Variants in ADARB1 observed in about 807,000 individuals in gnomAD.
ADARB1 encodes the protein adenosine deaminase RNA specific B1, also known as double-stranded RNA-specific editase 1.
In ADARB1, 10 loss-of-function variants were observed where a neutral mutation model predicts 52.4. The observed-to-expected ratio is 0.19, with a 90% CI of 0.12 to 0.32. ADARB1 has a LOEUF of 0.32. Among genes scored for constraint, ADARB1 ranks in the 10% least tolerant of loss-of-function variants. The pLI, the probability that ADARB1 is intolerant of heterozygous loss-of-function variation, is 1.00. For synonymous variants in ADARB1, 349 were observed against 371.1 expected, an observed-to-expected ratio of 0.94 and a Z score of 0.68; for missense variants, 643 against 922.3, an observed-to-expected ratio of 0.70 and a Z score of 3.92.
chr21:45,115,190 G>A (rs1210410693), intron 1 of ADARB1, among the ~76,000 whole-genome samples: 1 of 152,168 alleles, frequency 6.6e-6, no homozygotes, highest in Non-Finnish European at 1.5e-5. Context: ...ACATGGTTTT[G>A]GATGTTTGAC....
chr21:45,108,005 G>C (rs2087335704), intron 1 of ADARB1, among the ~76,000 whole-genome samples: 1 of 152,152 alleles, frequency 6.6e-6, no homozygotes, highest in Admixed American at 6.5e-5. Flanking sequence ...AGGTTGCAAT[G>C]AGCCATGATG....
chr21:45,154,871 T>C (rs2090475039), intron 2 of ADARB1, among the ~76,000 whole-genome samples: 1 of 152,220 alleles, frequency 6.6e-6, no homozygotes, highest in Non-Finnish European at 1.5e-5. Context: ...TAGCAGTTAG[T>C]GCCCATATAT....
chr21:45,193,408 T>G (rs1569149246), intron 8 of ADARB1, among the ~76,000 whole-genome samples: 1 of 152,126 alleles, frequency 6.6e-6, no homozygotes, highest in Non-Finnish European at 1.5e-5. Context: ...ATAAAGGAAA[T>G]CTATGAAAAA....
intron 8 of ADARB1, among the ~76,000 whole-genome samples, chr21:45,195,070 C>T (rs555311713): frequency 5.3e-5 from 8 of 152,316 alleles, no homozygotes; most frequent in Non-Finnish European, 1.2e-4. Flanking sequence ...CACCAGTATT[C>T]AGTGTTGTCA....
intron 1 of ADARB1, among the ~76,000 whole-genome samples, chr21:45,114,051 A>G (rs1601404415): frequency 2.0e-5 from 3 of 152,344 alleles, no homozygotes; most frequent in East Asian, 1.9e-4. Context: ...TTTAATAAAT[A>G]TTATGCTTAG....
chr21:45,078,937 G>A (rs2086050274), intron 1 of ADARB1, among the ~76,000 whole-genome samples: 1 of 152,150 alleles, frequency 6.6e-6, no homozygotes, highest in Non-Finnish European at 1.5e-5. Flanking sequence ...GGAATACCTA[G>A]GCACAGAGTG....
rs1357620900 is a variant in ADARB1 at position 45,221,595 on chromosome 21, G to T, written c.1927-423G>T. Among the ~76,000 whole-genome samples the T allele has an allele frequency of 1.3e-5, 2 of 152,198 alleles. No individual in the cohort carries two copies. The highest frequency in any genetic ancestry group is 1.3e-4 in the Admixed American group (2 of 15,282). On this transcript the variant is annotated intron_variant, in intron 10 of 10. Transcript: ENST00000348831. The surrounding 1 kb of genome is among the most constrained non-coding windows in gnomAD (Gnocchi z 4.9). ...CCCGGGAGGGTCCTGTTCACCAGGGGCAGCACCCAGGCCAGCTGCCACAAG... is the reference window on the plus strand; with the variant it reads ...CCCGGGAGGGTCCTGTTCACCAGGGTCAGCACCCAGGCCAGCTGCCACAAG...
chr21:45,139,547 C>G (rs1274988967), intron 2 of ADARB1, among the ~76,000 whole-genome samples: 1 of 152,082 alleles, frequency 6.6e-6, no homozygotes, highest in African/African-American at 2.4e-5. Context: ...GAGTTTGGAT[C>G]CAGCGGTCGA....
In ADARB1 at chr21:45,222,673, G is replaced by C; in HGVS notation, c.*476G>C. On this transcript the variant is annotated 3_prime_UTR_variant, in exon 11 of 11. Coordinates refer to ENST00000348831, the MANE Select transcript of ADARB1 (RefSeq NM_001112.4). ...AATTGCAAAAAAGCATCTATATATGGAGGAGGGTGGGAAAATAGAGGTAGG... is the reference window on the plus strand; with the variant it reads ...AATTGCAAAAAAGCATCTATATATGCAGGAGGGTGGGAAAATAGAGGTAGG... The C allele has an allele frequency of 1.0e-6, 1 of 987,238 alleles. No homozygotes were observed. Among genetic ancestry groups the C allele is most frequent in the Non-Finnish European group, 1.2e-6 (1 of 831,258 alleles). The allele number at this position is 987,238 out of a possible 1,614,324, so 61.2% of individuals were successfully genotyped here.
At chr21:45,214,293 A>G (rs1024202784) in intron 9 of ADARB1, among the ~76,000 whole-genome samples, 7 of 152,240 alleles carry the variant, frequency 4.6e-5, no homozygotes, top group African/African-American at 1.7e-4. Flanking sequence ...CCTTTATCAG[A>G]TATATGATTT....
intron 2 of ADARB1, chr21:45,146,226 G>A (rs1224675177): frequency 2.6e-5 from 4 of 152,180 alleles, no homozygotes; most frequent in South Asian, 4.1e-4. Flanking sequence ...CCGTTCTGCC[G>A]GGATTTTAAA....
At chr21:45,088,385 T>TG (rs1359437495) in intron 1 of ADARB1, among the ~76,000 whole-genome samples, 1 of 152,206 alleles carries the variant, frequency 6.6e-6, no homozygotes, top group African/African-American at 2.4e-5. Context: ...AGGAGCCCCA[T>TG]GGCCAAAGCG....
At chr21:45,125,135 C>T (rs114631634) in intron 1 of ADARB1, among the ~76,000 whole-genome samples, 2 of 152,142 alleles carry the variant, frequency 1.3e-5, no homozygotes, top group South Asian at 4.1e-4. Flanking sequence ...TTCATTTAAC[C>T]TAAGCTTACA....
chr21:45,169,012 A>T (rs1310743423), intron 2 of ADARB1, among the ~76,000 whole-genome samples: 1 of 152,032 alleles, frequency 6.6e-6, no homozygotes, highest in Admixed American at 6.6e-5. Context: ...TGGATGGGGG[A>T]TAAGTCCAAG....
chr21:45,155,378 C>T (rs1345889840), intron 2 of ADARB1, among the ~76,000 whole-genome samples: 1 of 152,132 alleles, frequency 6.6e-6, no homozygotes, highest in African/African-American at 2.4e-5. Context: ...GTACCAGCCT[C>T]CTTCTCTGGT....
At chr21:45,198,707 G>A (rs944390593) in intron 8 of ADARB1, among the ~76,000 whole-genome samples, 2 of 152,018 alleles carry the variant, frequency 1.3e-5, no homozygotes, top group African/African-American at 4.8e-5. Flanking sequence ...CTCATTGTGT[G>A]GCTCATAACT....
At chr21:45,094,600 A>C (rs1208098114) in intron 1 of ADARB1, among the ~76,000 whole-genome samples, 1 of 152,046 alleles carries the variant, frequency 6.6e-6, no homozygotes. Flanking sequence ...TCTGCTCTCA[A>C]GGTTTCTACG....
chr21:45,162,080 T>C (rs190391412), intron 2 of ADARB1, among the ~76,000 whole-genome samples: 1 of 151,988 alleles, frequency 6.6e-6, no homozygotes, highest in Admixed American at 6.5e-5. Context: ...AACACACCCA[T>C]TGTTTGCCAC....
At chr21:45,082,641 G>A (rs1195779748) in intron 1 of ADARB1, among the ~76,000 whole-genome samples, 2 of 152,102 alleles carry the variant, frequency 1.3e-5, no homozygotes, top group Non-Finnish European at 2.9e-5. Context: ...TAGGAAAGCT[G>A]GATAATGTTT....
Sources: gnomAD v4.1 joint callset for allele counts (sites outside exome capture counted in the v4.1 genomes callset) on GRCh38, gnomAD v4.1.1 for gene constraint, Gnocchi (gnomAD v3.1) non-coding constraint, MANE v1.5 for transcripts, NCBI Gene and HGNC (gene_info 2026-07-23, HGNC 2026-07-21) for gene names.